The following PARPBP variants were observed in gnomAD, a reference collection of about 807,000 sequenced individuals.
The protein encoded by PARPBP is PCNA-interacting partner.
A neutral mutation model predicts 50.0 loss-of-function variants in PARPBP; 52 were observed. The observed-to-expected ratio is 1.04, with a 90% CI of 0.83 to 1.31. PARPBP has a LOEUF of 1.31. Ranked by LOEUF, PARPBP falls within the 50% of genes most tolerant of loss-of-function variation. The probability of loss-of-function intolerance (pLI) is 0.00; values close to 1 mark genes in which losing one functional copy is unlikely to be tolerated. For missense variants in PARPBP, 697 were observed against 672.0 expected, an observed-to-expected ratio of 1.04 and a Z score of -0.41; for synonymous variants, 244 against 232.1, an observed-to-expected ratio of 1.05 and a Z score of -0.47.
intron 2 of PARPBP, among the ~76,000 whole-genome samples, chr12:102,126,187 A>G (rs750123391): frequency 6.6e-5 from 10 of 152,020 alleles, no homozygotes; most frequent in Admixed American, 3.9e-4. Context: ...TCAGCTTTCT[A>G]CCTTTTTTTT....
intron 4 of PARPBP, among the ~76,000 whole-genome samples, chr12:102,160,587 C>G (rs1163686770): frequency 6.6e-6 from 1 of 152,162 alleles, no homozygotes; most frequent in Non-Finnish European, 1.5e-5. Flanking sequence ...AATGGAAACT[C>G]ATATTATAGA....
intron 10 of PARPBP, 98 bp from the exon 11 acceptor site, chr12:102,195,853 A>G (rs1022695336): frequency 1.1e-5 from 8 of 715,004 alleles, no homozygotes; most frequent in Non-Finnish European, 1.8e-5. Context: ...AAAAATTTGA[A>G]TATTCGTTAG....
intron 2 of PARPBP, among the ~76,000 whole-genome samples, chr12:102,147,611 T>C (rs1885564749): frequency 1.3e-5 from 2 of 151,596 alleles, no homozygotes; most frequent in Non-Finnish European, 2.9e-5. Context: ...ATATACCTAA[T>C]GCTAAATGAC....
chr12:102,190,780 A>C (rs1379899489), intron 9 of PARPBP, among the ~76,000 whole-genome samples: 1 of 152,112 alleles, frequency 6.6e-6, no homozygotes, highest in Non-Finnish European at 1.5e-5. Flanking sequence ...TTTAGTTGGG[A>C]GAAGCAGACA....
At chr12:102,163,391 A>AT (rs1214491380) in intron 4 of PARPBP, among the ~76,000 whole-genome samples, 2 of 151,790 alleles carry the variant, frequency 1.3e-5, no homozygotes, top group Non-Finnish European at 1.5e-5. Flanking sequence ...TGCACTCAAG[A>AT]TTTTCTCTTA....
intron 4 of PARPBP, among the ~76,000 whole-genome samples, chr12:102,158,264 A>T (rs1036731764): frequency 6.6e-6 from 1 of 152,112 alleles, no homozygotes; most frequent in Non-Finnish European, 1.5e-5. Context: ...GTAACTCCTC[A>T]ATTCTCTACC....
chr12:102,197,221 A>G lies in PARPBP; in HGVS notation c.*930A>G, dbSNP rs748502567. The G allele has an allele frequency of 3.0e-5, 40 of 1,332,178 alleles. No homozygotes were observed. Among genetic ancestry groups the G allele is most frequent in the Non-Finnish European group, 4.3e-5 (40 of 935,120 alleles). The allele number at this position is 1,332,178 out of a possible 1,614,324, so 82.5% of individuals were successfully genotyped here. On this transcript the variant is annotated 3_prime_UTR_variant, in exon 11 of 11. Coordinates refer to ENST00000327680, the MANE Select transcript of PARPBP (RefSeq NM_017915.5). The stretch of plus-strand genomic sequence containing the variant: ...TTTTAGCTATCGTATTCGGAGTGGA[A>G]CTATAATACAATTGTATAATATTCT...
intron 9 of PARPBP, among the ~76,000 whole-genome samples, chr12:102,186,896 T>G (rs944639809): frequency 3.3e-5 from 5 of 152,150 alleles, no homozygotes; most frequent in African/African-American, 1.2e-4. Flanking sequence ...TATAAAAAAC[T>G]GGACTGGCTA....
At chr12:102,144,432 A>G (rs1294959956) in intron 2 of PARPBP, among the ~76,000 whole-genome samples, 1 of 151,882 alleles carries the variant, frequency 6.6e-6, no homozygotes, top group Non-Finnish European at 1.5e-5. Context: ...TTGACCACAG[A>G]CTCTCTCAAT....
At chr12:102,125,281 A>G (rs1881816153) in intron 2 of PARPBP, among the ~76,000 whole-genome samples, 1 of 152,232 alleles carries the variant, frequency 6.6e-6, no homozygotes. Context: ...CTTTTAGGAC[A>G]TAATAAATGC....
At chr12:102,179,025 A>G (rs1267914422) in intron 8 of PARPBP, among the ~76,000 whole-genome samples, 1 of 152,128 alleles carries the variant, frequency 6.6e-6, no homozygotes, top group African/African-American at 2.4e-5. Context: ...CTTTGAAAAT[A>G]TTTATTTCCT....
chr12:102,139,028 G>C (rs1884122271), intron 2 of PARPBP, among the ~76,000 whole-genome samples: 1 of 152,208 alleles, frequency 6.6e-6, no homozygotes, highest in African/African-American at 2.4e-5. Flanking sequence ...TGTGAAGAAA[G>C]TCATTGGTAG....
At chr12:102,191,877 G>A (rs989132279) in intron 9 of PARPBP, among the ~76,000 whole-genome samples, 1 of 152,076 alleles carries the variant, frequency 6.6e-6, no homozygotes, top group African/African-American at 2.4e-5. Flanking sequence ...ATTATTCTTA[G>A]TTGTTTAGTA....
intron 9 of PARPBP, among the ~76,000 whole-genome samples, chr12:102,189,993 A>C (rs1890650068): frequency 6.6e-6 from 1 of 152,156 alleles, no homozygotes; most frequent in Non-Finnish European, 1.5e-5. Flanking sequence ...CCTATTGAAC[A>C]GAGTAGAGTT....
chr12:102,139,840 A>T (rs1342165657), intron 2 of PARPBP, among the ~76,000 whole-genome samples: 1 of 152,162 alleles, frequency 6.6e-6, no homozygotes, highest in African/African-American at 2.4e-5. Context: ...AGCCCACTTG[A>T]TCTTAGTGGA....
In PARPBP at chr12:102,153,953, A is replaced by T. The variant is rs780840181; in HGVS notation, c.472A>T (p.Lys158Ter). ...TTCTATACCAACATCACCAACAAGTAAATACAACCGTGATAATGAAAAGGT... is the reference window on the plus strand; with the variant it reads ...TTCTATACCAACATCACCAACAAGTTAATACAACCGTGATAATGAAAAGGT... The part of the protein sequence containing the change: ...DLSIPTSPTS[K>*]YNRDNEKVQL... Residue 158 changes from lysine to a stop codon, truncating the protein, a stop_gained, in exon 4 of 11, where the codon AAA becomes TAA. Coordinates refer to ENST00000327680, the MANE Select transcript of PARPBP (RefSeq NM_017915.5). LOFTEE classifies it high-confidence loss of function. The T allele has an allele frequency of 1.3e-6, 2 of 1,592,634 alleles. No individual in the cohort carries two copies. The highest frequency in any genetic ancestry group is 2.7e-5 in the African/African-American group (2 of 74,588).
chr12:102,142,004 C>G (rs549000058), intron 2 of PARPBP, among the ~76,000 whole-genome samples: 31 of 152,224 alleles, frequency 2.0e-4, no homozygotes, highest in Non-Finnish European at 3.5e-4. Flanking sequence ...GTGGAGTTCT[C>G]TGTATTTCCT....
chr12:102,164,221 C>T (rs988989817), intron 4 of PARPBP, among the ~76,000 whole-genome samples: 3 of 152,086 alleles, frequency 2.0e-5, no homozygotes, highest in South Asian at 2.1e-4. Flanking sequence ...TTGTAGGTCT[C>T]CCCTCTGCCT....
At chr12:102,127,410 A>G (rs939248597) in intron 2 of PARPBP, among the ~76,000 whole-genome samples, 1 of 152,044 alleles carries the variant, frequency 6.6e-6, no homozygotes, top group South Asian at 2.1e-4. Context: ...AGAAAAAAAA[A>G]AAAGAAATTA....
Sources: allele counts gnomAD v4.1 joint callset (sites outside exome capture counted in the v4.1 genomes callset), GRCh38; gene constraint gnomAD v4.1.1; transcripts MANE v1.5; gene names NCBI Gene and HGNC (gene_info 2026-07-23, HGNC 2026-07-21).